Variants in DPYSL5 observed in about 807,000 individuals in gnomAD.
DPYSL5 encodes dihydropyrimidinase-related protein 5.
In DPYSL5, 9 loss-of-function variants were observed where a neutral mutation model predicts 58.4. That is an observed-to-expected ratio of 0.15 (90% CI 0.09 to 0.27). DPYSL5 has a LOEUF of 0.27. Among genes scored for constraint, DPYSL5 ranks in the 10% least tolerant of loss-of-function variants. DPYSL5 has a pLI of 1.00. For missense variants in DPYSL5, 499 were observed against 770.6 expected, an observed-to-expected ratio of 0.65 and a Z score of 4.17; for synonymous variants, 293 against 301.9, an observed-to-expected ratio of 0.97 and a Z score of 0.31.
chr2:26,850,428 T>G (rs1665723004), intron 1 of DPYSL5, among the ~76,000 whole-genome samples: 1 of 152,132 alleles, frequency 6.6e-6, no homozygotes. Flanking sequence ...CCTTGACATG[T>G]GAAGTGACAC....
At chr2:26,854,279 C>T (rs1410236771) in intron 1 of DPYSL5, among the ~76,000 whole-genome samples, 1 of 151,650 alleles carries the variant, frequency 6.6e-6, no homozygotes, top group Non-Finnish European at 1.5e-5. Flanking sequence ...GTCAATATGG[C>T]GAAACCCTGT....
At chr2:26,935,379 C>A (rs923918417) in intron 8 of DPYSL5, among the ~76,000 whole-genome samples, 1 of 152,172 alleles carries the variant, frequency 6.6e-6, no homozygotes, top group African/African-American at 2.4e-5. Context: ...CTTGCAGCTT[C>A]TTTCTCTCTC....
chr2:26,890,854 G>C (rs1048310224), intron 1 of DPYSL5, among the ~76,000 whole-genome samples: 1 of 152,130 alleles, frequency 6.6e-6, no homozygotes, highest in African/African-American at 2.4e-5. Flanking sequence ...CCTTTCTTCT[G>C]TTCCTGTGCC....
rs546333547 is a variant in DPYSL5 at position 26,932,125 on chromosome 2, G to T, written c.714+441G>T. 6.4e-4 allele frequency among the ~76,000 whole-genome samples: 74 copies of T among 116,166 alleles called. 1 individual carries two copies. Among genetic ancestry groups the T allele is most frequent in the African/African-American group, 2.7e-3 (72 of 26,452 alleles). The allele number at this position is 116,166 out of a possible 152,430, so 76.2% of individuals were successfully genotyped here. A position where few individuals can be genotyped will look rare whatever the true frequency, so the allele number is the denominator to read the frequency against. On this transcript the variant is annotated intron_variant, in intron 6 of 12. Transcript: ENST00000288699. ...AAAGAAAGAAAAGAAAAAAGAAAGA[G>T]AAAGAAAGAAAGAGAAAGAAAGAAA...
chr2:26,855,847 T>G (rs1665865942), intron 1 of DPYSL5, among the ~76,000 whole-genome samples: 1 of 152,350 alleles, frequency 6.6e-6, no homozygotes, highest in East Asian at 1.9e-4. Flanking sequence ...TTTCTAATTT[T>G]TTACTTCGGA....
intron 2 of DPYSL5, among the ~76,000 whole-genome samples, chr2:26,899,738 G>A (rs947377567): frequency 1.3e-5 from 2 of 152,212 alleles, no homozygotes; most frequent in Non-Finnish European, 1.5e-5. Context: ...GCTATGAGGA[G>A]TCACAGTAGC....
At chr2:26,882,771 G>A (rs971396286) in intron 1 of DPYSL5, among the ~76,000 whole-genome samples, 3 of 152,032 alleles carry the variant, frequency 2.0e-5, no homozygotes, top group African/African-American at 7.2e-5. Context: ...AAATTAGCCA[G>A]AGGTGGTGGG....
chr2:26,860,375 A>G (rs186963911), intron 1 of DPYSL5, among the ~76,000 whole-genome samples: 91 of 152,224 alleles, frequency 6.0e-4, no homozygotes, highest in Non-Finnish European at 1.0e-4. Flanking sequence ...TGCAGACTGG[A>G]TGCTGTCCTG....
chr2:26,867,806 GC>G (rs1663139096), intron 1 of DPYSL5, among the ~76,000 whole-genome samples: 1 of 152,192 alleles, frequency 6.6e-6, no homozygotes, highest in African/African-American at 2.4e-5. Flanking sequence ...ACAGCTTGGT[GC>G]CTGTCTCCTC....
intron 8 of DPYSL5, among the ~76,000 whole-genome samples, chr2:26,936,324 T>C (rs1408361910): frequency 1.3e-5 from 2 of 152,124 alleles, no homozygotes; most frequent in African/African-American, 4.8e-5. Context: ...AATAAGGTGC[T>C]TGTCTCATCC....
intron 1 of DPYSL5, among the ~76,000 whole-genome samples, chr2:26,852,742 C>G (rs1178327592): frequency 6.6e-6 from 1 of 152,190 alleles, no homozygotes; most frequent in African/African-American, 2.4e-5. Context: ...GAAGTAATTG[C>G]TGTTTTTGCC....
intron 6 of DPYSL5, among the ~76,000 whole-genome samples, chr2:26,932,888 T>A (rs1361560720): frequency 6.6e-6 from 1 of 152,158 alleles, no homozygotes; most frequent in South Asian, 2.1e-4. Context: ...CGACTAACTC[T>A]AGGTCATCAC....
rs1664278031 is a variant in DPYSL5 at position 26,905,980 on chromosome 2, G to A, written c.261+7220G>A. The stretch of plus-strand genomic sequence containing the variant: ...CTGCCAAGCTCGTGTAGTTGTGGCA[G>A]AATTCCATTTCTTGGAGTTCAAGGA... On this transcript the variant is annotated intron_variant, in intron 2 of 12. Transcript: ENST00000288699. The surrounding 1 kb of genome is among the most constrained non-coding windows in gnomAD (Gnocchi z 4.0). 6.6e-6 allele frequency among the ~76,000 whole-genome samples: 1 copy of A among 152,050 alleles called. No homozygotes were observed. Among genetic ancestry groups the A allele is most frequent in the Non-Finnish European group, 1.5e-5 (1 of 68,010 alleles).
At chr2:26,902,092 C>G (rs1490536647) in intron 2 of DPYSL5, among the ~76,000 whole-genome samples, 1 of 152,010 alleles carries the variant, frequency 6.6e-6, no homozygotes, top group East Asian at 1.9e-4. Context: ...ACTAGGGTTT[C>G]CAGACGGTGC....
chr2:26,917,860 G>A (rs966262956), intron 2 of DPYSL5, among the ~76,000 whole-genome samples: 3 of 152,106 alleles, frequency 2.0e-5, no homozygotes, highest in Non-Finnish European at 2.9e-5. Context: ...GAATGGCCAG[G>A]CTCAGTGACT....
chr2:26,872,420 G>A (rs1037921260), intron 1 of DPYSL5, among the ~76,000 whole-genome samples: 1 of 152,308 alleles, frequency 6.6e-6, no homozygotes, highest in African/African-American at 2.4e-5. Flanking sequence ...GGCCAGGCGC[G>A]GTGGCTCACG....
At chr2:26,931,217 A>G (rs1392199452) in intron 5 of DPYSL5, among the ~76,000 whole-genome samples, 2 of 114,498 alleles carry the variant, frequency 1.7e-5, no homozygotes, top group Admixed American at 8.8e-5. Context: ...ATATATATAT[A>G]TATATATATA....
chr2:26,903,898 G>A (rs986699370), intron 2 of DPYSL5, among the ~76,000 whole-genome samples: 1 of 152,210 alleles, frequency 6.6e-6, no homozygotes, highest in African/African-American at 2.4e-5. Context: ...TAGCAGAGAT[G>A]CCATCAAACA....
chr2:26,945,462 G>C (rs547024389), intron 12 of DPYSL5, among the ~76,000 whole-genome samples: 2 of 151,946 alleles, frequency 1.3e-5, no homozygotes, highest in South Asian at 4.2e-4. Context: ...TCCTTGGGGG[G>C]TGCGATCCCA....
Sources: gnomAD v4.1 joint callset for allele counts (sites outside exome capture counted in the v4.1 genomes callset) on GRCh38, gnomAD v4.1.1 for gene constraint, Gnocchi (gnomAD v3.1) non-coding constraint, MANE v1.5 for transcripts, NCBI Gene and HGNC (gene_info 2026-07-23, HGNC 2026-07-21) for gene names.